LOC400499: variants seen among roughly 807,000 people sequenced by gnomAD.
At chr16:11,419,295 G>A in the LOC400499 span, among the ~76,000 whole-genome samples, 84,805 of 151,520 alleles carry the variant, frequency 0.56, 24,391 homozygotes, top group Non-Finnish European at 0.64. Flanking sequence ...AAATAACGCC[G>A]CTTATCTACA....
At chr16:11,486,517 T>TGGCTGGATAGATGAATGAATGAC in the LOC400499 span, among the ~76,000 whole-genome samples, 2 of 118,120 alleles carry the variant, frequency 1.7e-5, no homozygotes, top group African/African-American at 7.1e-5. Flanking sequence ...GAATGAATGA[T>TGGCTGGATAGATGAATGAATGAC]GGCTGGATAG....
chr16:11,488,194 C>T, the LOC400499 span, among the ~76,000 whole-genome samples: 2 of 151,720 alleles, frequency 1.3e-5, no homozygotes, highest in Non-Finnish European at 2.9e-5. Context: ...CTTCTCTTTA[C>T]AGAGAGTTAA....
chr16:11,493,495 G>C, the LOC400499 span: 3 of 388,460 alleles, frequency 7.7e-6, no homozygotes. Context: ...GCTTAGACCT[G>C]GATACCTGTT....
At chr16:11,439,159 C>A in the LOC400499 span, among the ~76,000 whole-genome samples, 1 of 152,110 alleles carries the variant, frequency 6.6e-6, no homozygotes, top group Non-Finnish European at 1.5e-5. Context: ...CAACAAAGCC[C>A]TCTTGAAGGA....
chr16:11,469,744 C>G, the LOC400499 span: 1 of 398,560 alleles, frequency 2.5e-6, no homozygotes, highest in Non-Finnish European at 4.4e-6. Context: ...TCCTCACAAT[C>G]CCCCAACCAG....
chr16:11,424,714 C>A, the LOC400499 span, among the ~76,000 whole-genome samples: 1 of 152,100 alleles, frequency 6.6e-6, no homozygotes, highest in Non-Finnish European at 1.5e-5. Flanking sequence ...CACCTGGGGG[C>A]CCCTCCAGGC....
At chr16:11,384,333 G>C in the LOC400499 span, 1 of 1,227,742 alleles carries the variant, frequency 8.1e-7, no homozygotes, top group Non-Finnish European at 1.0e-6. Flanking sequence ...TGCCTGTGGG[G>C]AAGAGGGAAG....
chr16:11,427,479 C>G, the LOC400499 span, among the ~76,000 whole-genome samples: 1 of 151,432 alleles, frequency 6.6e-6, no homozygotes, highest in African/African-American at 2.4e-5. Flanking sequence ...GGGTCTCATT[C>G]TGTTGCCCAG....
At chr16:11,448,990 T>A in the LOC400499 span, 1 of 1,521,904 alleles carries the variant, frequency 6.6e-7, no homozygotes, top group South Asian at 1.2e-5. Flanking sequence ...CAGTTCAGGA[T>A]CTTACGGTCC....
the LOC400499 span, among the ~76,000 whole-genome samples, chr16:11,441,899 G>C: frequency 6.6e-6 from 1 of 152,214 alleles, no homozygotes; most frequent in Non-Finnish European, 1.5e-5. Context: ...TTCCAAAACT[G>C]TAAAATCTGT....
At chr16:11,440,756 G>A in the LOC400499 span, 7 of 398,922 alleles carry the variant, frequency 1.8e-5, no homozygotes, top group African/African-American at 4.1e-5. Context: ...ACGGCAGCTC[G>A]TGCATCCATG....
At chr16:11,389,254 A>G in the LOC400499 span, among the ~76,000 whole-genome samples, 1 of 152,056 alleles carries the variant, frequency 6.6e-6, no homozygotes, top group African/African-American at 2.4e-5. Context: ...CCCCCATCTC[A>G]CCGATGTTCC....
the LOC400499 span, among the ~76,000 whole-genome samples, chr16:11,456,295 C>A: frequency 1.3e-5 from 2 of 152,186 alleles, no homozygotes. Context: ...TCCGCCCCCA[C>A]ACCCAGCCTC....
chr16:11,469,629 G>A, the LOC400499 span: 1 of 399,116 alleles, frequency 2.5e-6, no homozygotes, highest in East Asian at 3.6e-5. Flanking sequence ...TGCCCATGAA[G>A]ACGTGGGCTG....
chr16:11,407,266 G>A, the LOC400499 span: 7 of 398,872 alleles, frequency 1.8e-5, no homozygotes, highest in Non-Finnish European at 2.7e-5. Context: ...CCTGCCGGGT[G>A]CTGATGTGAA....
At chr16:11,514,308 AC>A in the LOC400499 span, 1 of 398,762 alleles carries the variant, frequency 2.5e-6, no homozygotes, top group Non-Finnish European at 4.4e-6. Flanking sequence ...CTCTGGCCAG[AC>A]CCCCTCATGC....
chr16:11,381,598 C>G, the LOC400499 span, among the ~76,000 whole-genome samples: 2 of 152,230 alleles, frequency 1.3e-5, no homozygotes, highest in South Asian at 4.1e-4. Flanking sequence ...CAGCCATAGA[C>G]TACGTAAATG....
At chr16:11,416,828 G>A in the LOC400499 span, among the ~76,000 whole-genome samples, 1 of 152,132 alleles carries the variant, frequency 6.6e-6, no homozygotes, top group Admixed American at 6.6e-5. Context: ...AGCAAGCCTG[G>A]CGTGTTGAAG....
chr16:11,466,358 A>G, the LOC400499 span, among the ~76,000 whole-genome samples: 1 of 151,716 alleles, frequency 6.6e-6, no homozygotes, highest in African/African-American at 2.4e-5. Flanking sequence ...CCAAAGAACC[A>G]AATCTTTAAT....
Sources: allele counts gnomAD v4.1 joint callset (sites outside exome capture counted in the v4.1 genomes callset), GRCh38; gene constraint gnomAD v4.1.1; transcripts MANE v1.5.